CPNE4: variants seen among roughly 807,000 people sequenced by gnomAD.
The protein encoded by CPNE4 is copine 4, also known as copine-4.
CPNE4 carries 25 observed loss-of-function variants against 67.9 expected under a neutral mutation model. The ratio of observed to expected loss-of-function variants is 0.37; its 90% CI spans 0.27 to 0.51. The LOEUF (loss-of-function observed/expected upper bound fraction) is 0.51, where lower values mean the gene tolerates loss of function less well. Among genes scored for constraint, CPNE4 ranks in the 20% least tolerant of loss-of-function variants. CPNE4 has a pLI of 0.93. For missense variants in CPNE4, 464 were observed against 690.8 expected (o/e 0.67, Z 3.68); for synonymous variants, 242 against 244.9 (o/e 0.99, Z 0.11).
intron 1 of CPNE4, among the ~76,000 whole-genome samples, chr3:131,927,433 C>T (rs1411628665): frequency 8.3e-6 from 1 of 120,282 alleles, no homozygotes; most frequent in Non-Finnish European, 1.9e-5. Context: ...CCTACCACTA[C>T]AAATACTTGT....
At chr3:131,698,892 A>G (rs2081225411) in intron 4 of CPNE4, among the ~76,000 whole-genome samples, 1 of 128,152 alleles carries the variant, frequency 7.8e-6, no homozygotes, top group East Asian at 2.2e-4. Flanking sequence ...TCTGGGTGAC[A>G]GGCTGAGACA....
At chr3:132,021,840 TA>T (rs1167443666) in intron 1 of CPNE4, among the ~76,000 whole-genome samples, 1 of 152,272 alleles carries the variant, frequency 6.6e-6, no homozygotes, top group East Asian at 1.9e-4. Context: ...TGTAACCACC[TA>T]TTGGAAGTAT....
intron 1 of CPNE4, among the ~76,000 whole-genome samples, chr3:131,945,315 G>A (rs372363386): frequency 6.6e-6 from 1 of 152,134 alleles, no homozygotes; most frequent in Non-Finnish European, 1.5e-5. Context: ...ATGACCATGG[G>A]CATATGCTGC....
intron 2 of CPNE4, among the ~76,000 whole-genome samples, chr3:131,773,769 C>A (rs959589382): frequency 3.9e-5 from 6 of 152,178 alleles, no homozygotes; most frequent in Non-Finnish European, 7.4e-5. Flanking sequence ...ATCCCCTATC[C>A]AAAGCATCTT....
chr3:131,907,390 A>G (rs1296423966), intron 1 of CPNE4, among the ~76,000 whole-genome samples: 1 of 152,010 alleles, frequency 6.6e-6, no homozygotes, highest in Non-Finnish European at 1.5e-5. Context: ...TTCTTCCACA[A>G]ATATTTAGTG....
At chr3:131,823,148 A>G (rs1013563948) in intron 2 of CPNE4, among the ~76,000 whole-genome samples, 1 of 152,182 alleles carries the variant, frequency 6.6e-6, no homozygotes, top group African/African-American at 2.4e-5. Flanking sequence ...CTGTACACTT[A>G]ACTTCTTATC....
chr3:131,950,611 G>A (rs1315042444), intron 1 of CPNE4, among the ~76,000 whole-genome samples: 1 of 152,152 alleles, frequency 6.6e-6, no homozygotes, highest in Middle Eastern at 3.2e-3. Context: ...ATTAATTTGA[G>A]GGTTACAGAT....
chr3:131,719,418 AC>A (rs1173216386), intron 3 of CPNE4, among the ~76,000 whole-genome samples: 1 of 152,224 alleles, frequency 6.6e-6, no homozygotes, highest in African/African-American at 2.4e-5. Context: ...TTTCAAAAGT[AC>A]CAAAAACGTA....
At chr3:131,877,998 T>C (rs1170088104) in intron 2 of CPNE4, among the ~76,000 whole-genome samples, 1 of 152,176 alleles carries the variant, frequency 6.6e-6, no homozygotes, top group East Asian at 1.9e-4. Context: ...TTGGGGAAGA[T>C]GTGGAGCAAT....
chr3:131,584,512 A>G (rs1938049868), intron 8 of CPNE4, among the ~76,000 whole-genome samples: 2 of 152,158 alleles, frequency 1.3e-5, no homozygotes, highest in South Asian at 4.1e-4. Flanking sequence ...TCTCCAATTT[A>G]TCTATCTCTA....
At chr3:131,906,236 A>ATTTTGT (rs1286159301) in intron 1 of CPNE4, among the ~76,000 whole-genome samples, 3 of 147,986 alleles carry the variant, frequency 2.0e-5, no homozygotes, top group Non-Finnish European at 3.0e-5. Context: ...GTTTTGTTTT[A>ATTTTGT]TTTTGTTTTT....
intron 2 of CPNE4, among the ~76,000 whole-genome samples, chr3:131,889,187 CT>C (rs1182806137): frequency 1.3e-5 from 2 of 152,122 alleles, no homozygotes; most frequent in African/African-American, 4.8e-5. Context: ...TTGTTGTTAC[CT>C]TCATTTTACT....
At chr3:131,644,094 G>GCA (rs1207160596) in intron 7 of CPNE4, among the ~76,000 whole-genome samples, 4 of 152,106 alleles carry the variant, frequency 2.6e-5, no homozygotes, top group Non-Finnish European at 4.4e-5. Context: ...GCATCACCCA[G>GCA]AGGGCTTGAA....
intron 1 of CPNE4, among the ~76,000 whole-genome samples, chr3:131,906,403 CCT>C (rs1170014447): frequency 2.6e-4 from 32 of 123,016 alleles, no homozygotes; most frequent in Admixed American, 1.3e-3. Flanking sequence ...TCCCTCCCCC[CCT>C]CCCCCCACCC....
chr3:131,969,449 G>A (rs2072445796), intron 1 of CPNE4, among the ~76,000 whole-genome samples: 2 of 152,042 alleles, frequency 1.3e-5, no homozygotes, highest in Non-Finnish European at 2.9e-5. Context: ...CTTAAGAGAT[G>A]CATATGTATT....
intron 1 of CPNE4, among the ~76,000 whole-genome samples, chr3:132,016,166 C>T (rs548281134): frequency 8.5e-5 from 13 of 152,298 alleles, no homozygotes; most frequent in South Asian, 6.2e-4. Flanking sequence ...TAGCACGCCA[C>T]GTATTACACC....
At chr3:131,998,272 T>C (rs1466371229) in intron 1 of CPNE4, among the ~76,000 whole-genome samples, 1 of 152,112 alleles carries the variant, frequency 6.6e-6, no homozygotes, top group Non-Finnish European at 1.5e-5. Context: ...AAGAAAACCA[T>C]GGCCAATTGC....
intron 10 of CPNE4, among the ~76,000 whole-genome samples, chr3:131,572,449 G>GAAAT: frequency 6.6e-6 from 1 of 152,062 alleles, no homozygotes; most frequent in East Asian, 1.9e-4. Context: ...GGCAGCTAGA[G>GAAAT]AAATAAATAT....
At chr3:131,796,809 C>T (rs1215511797) in intron 2 of CPNE4, among the ~76,000 whole-genome samples, 1 of 152,220 alleles carries the variant, frequency 6.6e-6, no homozygotes, top group African/African-American at 2.4e-5. Context: ...CTGTGGCTCA[C>T]TGAAGCAGCT....
Sources: gnomAD v4.1 joint callset for allele counts (sites outside exome capture counted in the v4.1 genomes callset) on GRCh38, gnomAD v4.1.1 for gene constraint, MANE v1.5 for transcripts, NCBI Gene and HGNC (gene_info 2026-07-23, HGNC 2026-07-21) for gene names.